SUGCT: variants seen among roughly 807,000 people sequenced by gnomAD.
SUGCT encodes succinyl-CoA:glutarate-CoA transferase, also known as succinyl-CoA:glutarate CoA-transferase.
In SUGCT, 41 loss-of-function variants were observed where a neutral mutation model predicts 55.0. The ratio of observed to expected loss-of-function variants is 0.74; its 90% confidence interval spans 0.58 to 0.97. The LOEUF (loss-of-function observed/expected upper bound fraction) is 0.97. SUGCT is among the 50% of genes least tolerant of loss of function. The pLI is 0.00. For synonymous variants in SUGCT, 187 were observed against 200.4 expected (o/e 0.93, Z 0.56); for missense variants, 568 against 547.8 (o/e 1.04, Z -0.37).
chr7:40,818,180 A>G (rs531107286), intron 13 of SUGCT, among the ~76,000 whole-genome samples: 1 of 152,316 alleles, frequency 6.6e-6, no homozygotes, highest in Non-Finnish European at 1.5e-5. Context: ...TACATCCTCA[A>G]TAGGAGGTGC....
At chr7:40,177,249 T>G (rs1426514630) in intron 1 of SUGCT, among the ~76,000 whole-genome samples, 2 of 152,174 alleles carry the variant, frequency 1.3e-5, no homozygotes, top group African/African-American at 2.4e-5. Flanking sequence ...TCCCAGCAGC[T>G]GGACCTCAAA....
chr7:40,717,000 C>A (rs1481755500), intron 12 of SUGCT, among the ~76,000 whole-genome samples: 2 of 151,680 alleles, frequency 1.3e-5, no homozygotes, highest in Non-Finnish European at 2.9e-5. Flanking sequence ...GAAAAAAAAA[C>A]CAATATGATA....
At chr7:40,456,723 C>T (rs1184502111) in intron 10 of SUGCT, among the ~76,000 whole-genome samples, 1 of 151,870 alleles carries the variant, frequency 6.6e-6, no homozygotes. Flanking sequence ...GAGGAGCTAG[C>T]CAACTAGATG....
At chr7:40,663,969 TG>T (rs1207451971) in intron 12 of SUGCT, among the ~76,000 whole-genome samples, 1 of 152,048 alleles carries the variant, frequency 6.6e-6, no homozygotes, top group Non-Finnish European at 1.5e-5. Flanking sequence ...GTTAGGTCAC[TG>T]GGGGGAGGGC....
chr7:40,901,278 C>G, the SUGCT span, among the ~76,000 whole-genome samples: 1 of 152,216 alleles, frequency 6.6e-6, no homozygotes, highest in African/African-American at 2.4e-5. Context: ...GCGAAGAAAA[C>G]AATGACTCTC....
the SUGCT span, among the ~76,000 whole-genome samples, chr7:40,913,350 A>G: frequency 1.3e-5 from 2 of 152,196 alleles, no homozygotes; most frequent in East Asian, 3.9e-4. Context: ...AAATATTAAA[A>G]TGGAAAAAAA....
chr7:40,952,866 C>T, the SUGCT span, among the ~76,000 whole-genome samples: 1 of 152,200 alleles, frequency 6.6e-6, no homozygotes, highest in African/African-American at 2.4e-5. Context: ...CCCAACCTTT[C>T]TCTCTGGCTG....
chr7:40,396,332 A>C (rs1488115235), intron 9 of SUGCT, among the ~76,000 whole-genome samples: 3 of 152,148 alleles, frequency 2.0e-5, no homozygotes, highest in Non-Finnish European at 4.4e-5. Flanking sequence ...ATTATTATGA[A>C]TATTAAATGT....
the SUGCT span, among the ~76,000 whole-genome samples, chr7:40,969,858 G>A: frequency 2.0e-5 from 3 of 152,156 alleles, no homozygotes; most frequent in Non-Finnish European, 2.9e-5. Context: ...CTCTTAGTAT[G>A]CTTAGTTCCA....
At chr7:40,440,073 G>T (rs1347652741) in intron 9 of SUGCT, among the ~76,000 whole-genome samples, 2 of 146,446 alleles carry the variant, frequency 1.4e-5, no homozygotes, top group Non-Finnish European at 3.0e-5. Context: ...CTTCCTAAAT[G>T]ATTTGGTCCA....
At chr7:40,171,121 C>G (rs544912839) in intron 1 of SUGCT, among the ~76,000 whole-genome samples, 1 of 152,320 alleles carries the variant, frequency 6.6e-6, no homozygotes, top group East Asian at 1.9e-4. Context: ...GTCCTTCTTT[C>G]CTTTGTAGGA....
rs149837419 is a variant in SUGCT, at chr7:40,224,789, C to T, written c.485-12846C>T. 7.4e-3 allele frequency among the ~76,000 whole-genome samples: 1,125 copies of T among 152,252 alleles called. 15 individuals carry two copies. Among genetic ancestry groups the T allele is most frequent in the African/African-American group, 0.025 (1,029 of 41,528 alleles). On this transcript the variant is annotated intron_variant, in intron 6 of 13. Coordinates refer to ENST00000335693, the MANE Select transcript of SUGCT (RefSeq NM_001193313.2). ...AGTGTTCCAGCTATTCAGATCAGACCGGACCTCTTTTCATCTGTATGGATG... is the reference window on the plus strand; with the variant it reads ...AGTGTTCCAGCTATTCAGATCAGACTGGACCTCTTTTCATCTGTATGGATG...
intron 12 of SUGCT, among the ~76,000 whole-genome samples, chr7:40,695,461 G>A (rs947044115): frequency 6.6e-6 from 1 of 152,106 alleles, no homozygotes; most frequent in Admixed American, 6.6e-5. Context: ...GCCTCCCAAA[G>A]TGTTGGGATT....
At chr7:40,818,081 A>G (rs1442106415) in intron 13 of SUGCT, among the ~76,000 whole-genome samples, 1 of 152,230 alleles carries the variant, frequency 6.6e-6, no homozygotes, top group Admixed American at 6.5e-5. Context: ...ATAGGAACCA[A>G]GGAATGCCAG....
Position 40,206,159 on chromosome 7 carries a change from C to T in SUGCT, c.484+11099C>T, listed in dbSNP as rs73314819. Reference sequence around the variant, plus strand: ...AGGACTTAGCCACCATCCAAAAACCCTGTCATCAAAACTGAATTGTTTCCC... The same window carrying T: ...AGGACTTAGCCACCATCCAAAAACCTTGTCATCAAAACTGAATTGTTTCCC... On this transcript the variant is annotated intron_variant, in intron 6 of 13. Coordinates refer to ENST00000335693, the MANE Select transcript of SUGCT (RefSeq NM_001193313.2). Among the ~76,000 whole-genome samples, 810 of 152,248 alleles carry T rather than the reference C, an allele frequency of 5.3e-3. 10 individuals are homozygous for T. Among genetic ancestry groups the T allele is most frequent in the African/African-American group, 0.018 (762 of 41,542 alleles).
chr7:40,520,367 ATCTGGCTT>A (rs1793466489), intron 12 of SUGCT, among the ~76,000 whole-genome samples: 1 of 152,046 alleles, frequency 6.6e-6, no homozygotes, highest in East Asian at 1.9e-4. Flanking sequence ...TGGTCAGAAA[ATCTGGCTT>A]TTAGTACTGT....
chr7:40,725,576 CTTT>C (rs538978750), intron 12 of SUGCT, among the ~76,000 whole-genome samples: 1 of 142,962 alleles, frequency 7.0e-6, no homozygotes, highest in African/African-American at 2.5e-5. Flanking sequence ...CCTCTATTTT[CTTT>C]TTTTTTTTTT....
the SUGCT span, among the ~76,000 whole-genome samples, chr7:40,950,548 A>G: frequency 1.3e-5 from 2 of 152,080 alleles, no homozygotes; most frequent in Non-Finnish European, 2.9e-5. Context: ...TTTCAAAGGG[A>G]ATGCTTCCCA....
In SUGCT at chr7:40,216,633, C is replaced by T. The variant is rs187302654; in HGVS notation, c.485-21002C>T. 3.5e-3 allele frequency among the ~76,000 whole-genome samples: 535 copies of T among 151,930 alleles called. 1 individual carries two copies. The highest frequency in any genetic ancestry group is 0.012 in the African/African-American group (511 of 41,448). ...TTCGGAAGCCAAGGTGGGTGGATCA[C>T]CTGAGGTCAGGAGTTCCAGATCAGC... On this transcript the variant is annotated intron_variant, in intron 6 of 13. Transcript: ENST00000335693.
Sources: allele counts gnomAD v4.1 joint callset (sites outside exome capture counted in the v4.1 genomes callset), GRCh38; gene constraint gnomAD v4.1.1; transcripts MANE v1.5; gene names NCBI Gene and HGNC (gene_info 2026-07-23, HGNC 2026-07-21).